RBM19: variants seen among roughly 807,000 people sequenced by gnomAD.
RBM19 encodes the protein RNA binding motif protein 19, also known as probable RNA-binding protein 19.
In RBM19, 94 loss-of-function variants were observed where a neutral mutation model predicts 116.8. The observed-to-expected ratio is 0.80, with a 90% CI of 0.68 to 0.95. RBM19 has a LOEUF of 0.95. Ranked by LOEUF, RBM19 falls within the 40% of genes least tolerant of loss-of-function variation. The probability of loss-of-function intolerance (pLI) is 0.00; values close to 1 mark genes in which losing one functional copy is unlikely to be tolerated. For synonymous variants in RBM19, 475 were observed against 494.1 expected, an observed-to-expected ratio of 0.96 and a Z score of 0.51; for missense variants, 1,161 against 1,220.7, an observed-to-expected ratio of 0.95 and a Z score of 0.73.
rs753813026 is a variant in RBM19 at position 113,960,094 on chromosome 12, GC to G, written c.303del (p.Gln101HisfsTer27). 12 of 1,614,078 alleles carry G rather than the reference GC, an allele frequency of 7.4e-6. No individual in the cohort carries two copies. The Admixed American group carries it at 1.2e-4, about 16-fold the overall frequency. On this transcript the variant is annotated frameshift_variant, in exon 3 of 24. Transcript: ENST00000261741. LOFTEE classifies it high-confidence loss of function. ...KHAQKPSQPK[Q>X]PPKDSTTPEI... is the part of the protein sequence containing the mutation. Reference sequence around the variant, plus strand: ...TCTGGAGTAGTAGAGTCTTTTGGAGGCTGCTTGGGCTGGCTTGGTTTCTGGG... The same window carrying G: ...TCTGGAGTAGTAGAGTCTTTTGGAGGTGCTTGGGCTGGCTTGGTTTCTGGG...
chr12:113,906,807 G>A (rs1240917969), intron 21 of RBM19, among the ~76,000 whole-genome samples: 3 of 152,044 alleles, frequency 2.0e-5, no homozygotes, highest in South Asian at 4.1e-4. Flanking sequence ...CTTGAAACCT[G>A]TAATGTGACC....
Position 113,915,028 on chromosome 12 carries a change from C to A in RBM19, c.2499G>T (p.Lys833Asn). 1.2e-6 allele frequency: 2 copies of A among 1,614,218 alleles called. No individual in the cohort carries two copies. The highest frequency in any genetic ancestry group is 1.7e-6 in the Non-Finnish European group (2 of 1,180,038). The part of the protein sequence containing the change: ...KQVPRKQTTS[K>N]ILVRNIPFQA... ...GGAAGGGGATGTTCCGCACCAGGATCTTGGAGGTGGTCTGCTTTCTGGGAA... is the reference window on the plus strand; with the variant it reads ...GGAAGGGGATGTTCCGCACCAGGATATTGGAGGTGGTCTGCTTTCTGGGAA... Residue 833 changes from lysine to asparagine, a missense_variant, in exon 21 of 24, where the codon AAG becomes AAT. Lys to Asn is a moderately conservative substitution (Grantham distance 94). Transcript: ENST00000261741.
intron 21 of RBM19, among the ~76,000 whole-genome samples, chr12:113,899,789 C>T (rs1022826243): frequency 6.6e-6 from 1 of 150,558 alleles, no homozygotes; most frequent in Admixed American, 6.6e-5. Flanking sequence ...CCCAAGCTGT[C>T]TGGGGCTCCC....
At chr12:113,858,612 T>G (rs1684899674) in intron 22 of RBM19, among the ~76,000 whole-genome samples, 179 bp downstream of exon 22, 1 of 152,052 alleles carries the variant, frequency 6.6e-6, no homozygotes, top group Admixed American at 6.5e-5. Flanking sequence ...TTCCTCCAAA[T>G]ACAAACCCCC....
intron 21 of RBM19, among the ~76,000 whole-genome samples, chr12:113,902,618 A>G (rs1334087784): frequency 6.8e-6 from 1 of 148,004 alleles, no homozygotes; most frequent in Admixed American, 6.7e-5. Flanking sequence ...AAAAAAAAAG[A>G]CAACGTTATA....
intron 16 of RBM19, among the ~76,000 whole-genome samples, chr12:113,933,151 G>A (rs1869756793): frequency 6.6e-6 from 1 of 151,472 alleles, no homozygotes. Context: ...CTGGTACAGA[G>A]AACAGGAGAG....
At chr12:113,843,718 G>C (rs1036771939) in intron 23 of RBM19, among the ~76,000 whole-genome samples, 1 of 152,196 alleles carries the variant, frequency 6.6e-6, no homozygotes, top group Non-Finnish European at 1.5e-5. Context: ...CTGACAGCAA[G>C]GGGCACCTGC....
At chr12:113,846,319 A>G (rs1417632069) in intron 22 of RBM19, among the ~76,000 whole-genome samples, 1 of 152,126 alleles carries the variant, frequency 6.6e-6, no homozygotes, top group South Asian at 2.1e-4. Context: ...AACCCATCCA[A>G]CTGTGCTCCT....
rs565460869 is a variant in RBM19 at position 113,916,420 on chromosome 12, C to T, written c.2442-1335G>A. ...AGACTCCGTCTCAAAAAAATAGAAG[C>T]AGCAAAACTACAAATTCACTTCCTC... On this transcript the variant is annotated intron_variant, in intron 20 of 23. Transcript: ENST00000261741. 4.6e-5 allele frequency among the ~76,000 whole-genome samples: 7 copies of T among 152,284 alleles called. No individual in the cohort carries two copies. In the South Asian group the frequency reaches 1.2e-3, roughly 27 times the overall value.
At chr12:113,861,512 G>GTGTGTGTGTT (rs1472875184) in intron 21 of RBM19, among the ~76,000 whole-genome samples, 2 of 151,160 alleles carry the variant, frequency 1.3e-5, no homozygotes, top group African/African-American at 4.9e-5. Flanking sequence ...GTGTGTGTGT[G>GTGTGTGTGTT]TGAAGGAGAG....
At chr12:113,906,053 C>G (rs536723447) in intron 21 of RBM19, among the ~76,000 whole-genome samples, 1 of 152,316 alleles carries the variant, frequency 6.6e-6, no homozygotes, top group Non-Finnish European at 1.5e-5. Flanking sequence ...CTTTGGAAAC[C>G]TGCCTGGAAA....
chr12:113,850,726 A>G (rs1013129296), intron 22 of RBM19, among the ~76,000 whole-genome samples: 3 of 152,240 alleles, frequency 2.0e-5, no homozygotes, highest in African/African-American at 7.2e-5. Context: ...AGCTGAGGAC[A>G]GTATTCCTGT....
In RBM19 at chr12:113,893,684, A is replaced by G. The variant is rs373578034; in HGVS notation, c.2558+21285T>C. Among the ~76,000 whole-genome samples the G allele has an allele frequency of 2.5e-3, 383 of 152,352 alleles. 3 individuals are homozygous for G. The highest frequency in any genetic ancestry group is 0.01 in the Middle Eastern group (3 of 294). On this transcript the variant is annotated intron_variant, in intron 21 of 23. Transcript: ENST00000261741. ...AGAATAGAGCTCTAGGAGAAGAATC[A>G]TTAGATCAAAAGGTATCAGCGTTTT... is the stretch of plus-strand genomic sequence containing the variant.
Position 113,947,357 on chromosome 12 carries a change from C to G in RBM19, c.1384G>C (p.Glu462Gln). 4 of 1,603,876 alleles carry G rather than the reference C, an allele frequency of 2.5e-6. No individual in the cohort carries two copies. The highest frequency in any genetic ancestry group is 3.4e-6 in the Non-Finnish European group (4 of 1,171,654). Residue 462 changes from glutamate to glutamine, a missense_variant, in exon 11 of 24, where the codon GAG becomes CAG. Physicochemically the swap from Glu to Gln is conservative, Grantham distance 29. Coordinates refer to ENST00000261741, the MANE Select transcript of RBM19 (RefSeq NM_016196.4). Reference sequence around the variant, plus strand: ...ACCTGGAATACCTGCCCGTCCACCTCCGAGTAGGCCTTCACAGCGTGCTCA... The same window carrying G: ...ACCTGGAATACCTGCCCGTCCACCTGCGAGTAGGCCTTCACAGCGTGCTCA... ...FPEHAVKAYS[E>Q]VDGQVFQGRM... is the part of the protein sequence containing the mutation.
chr12:113,819,934 CG>C (rs990396378), downstream of RBM19, among the ~76,000 whole-genome samples: 66 of 152,100 alleles, frequency 4.3e-4, no homozygotes, highest in African/African-American at 1.4e-3. Flanking sequence ...TCCTAGTTCC[CG>C]TTTAAAACAG....
chr12:113,958,492 G>A (rs112992605), intron 5 of RBM19, among the ~76,000 whole-genome samples: 11,575 of 152,088 alleles, frequency 0.076, 1,455 homozygotes, highest in African/African-American at 0.26. Flanking sequence ...AGCCCCTCAA[G>A]CCCATGCACT....
At chr12:113,951,523 G>GCA (rs1283624612) in intron 8 of RBM19, among the ~76,000 whole-genome samples, 17 of 130,584 alleles carry the variant, frequency 1.3e-4, no homozygotes, top group East Asian at 2.1e-4. Context: ...TTACCTGACT[G>GCA]CACACACACA....
rs755600795 is a variant in RBM19 at position 113,959,419 on chromosome 12, AC to A, written c.379-16del. ...TCCTCCTTCAGCTGGTGGCACCAGAACCCGGGCGGCAGGGACACGGGAAAAA... is the reference window on the plus strand; with the variant it reads ...TCCTCCTTCAGCTGGTGGCACCAGAACCGGGCGGCAGGGACACGGGAAAAA... On this transcript the variant is annotated splice_polypyrimidine_tract_variant and intron_variant, in intron 4 of 23. Coordinates refer to ENST00000261741, the MANE Select transcript of RBM19 (RefSeq NM_016196.4). 6 of 1,594,064 alleles carry A rather than the reference AC, an allele frequency of 3.8e-6. No homozygotes were observed. In the Admixed American group the frequency reaches 1.0e-4, roughly 27 times the overall value.
chr12:113,836,843 C>CACAT (rs1206326903), intron 23 of RBM19, among the ~76,000 whole-genome samples: 2 of 143,492 alleles, frequency 1.4e-5, no homozygotes, highest in African/African-American at 2.7e-5. Context: ...CACACACACA[C>CACAT]GTGTCCCAAG....
Sources: allele counts gnomAD v4.1 joint callset (sites outside exome capture counted in the v4.1 genomes callset), GRCh38; gene constraint gnomAD v4.1.1; transcripts MANE v1.5; gene names NCBI Gene and HGNC (gene_info 2026-07-23, HGNC 2026-07-21).